Variants in SLC38A10 observed in about 807,000 individuals in gnomAD.
SLC38A10 encodes Sodium-coupled neutral amino acid transporter 10.
In SLC38A10, 53 loss-of-function variants were observed where a neutral mutation model predicts 81.0. The observed-to-expected ratio is 0.65, with a 90% CI of 0.53 to 0.82. The LOEUF (loss-of-function observed/expected upper bound fraction) is 0.82, where lower values mean the gene tolerates loss of function less well. Among genes scored for constraint, SLC38A10 ranks in the 40% least tolerant of loss-of-function variants. The pLI is 0.00. For missense variants in SLC38A10, 1,471 were observed against 1,545.0 expected (o/e 0.95, Z 0.80); for synonymous variants, 665 against 655.3 (o/e 1.01, Z -0.23).
At chr17:81,274,141 G>C (rs1311164103) in intron 8 of SLC38A10, among the ~76,000 whole-genome samples, 1 of 152,270 alleles carries the variant, frequency 6.6e-6, no homozygotes, top group Admixed American at 6.5e-5. Flanking sequence ...GGCCTGGCCA[G>C]ATGCGCGGAG....
intron 10 of SLC38A10, among the ~76,000 whole-genome samples, chr17:81,269,645 A>G (rs976778943): frequency 5.3e-5 from 8 of 152,148 alleles, no homozygotes; most frequent in East Asian, 3.9e-4. Flanking sequence ...GGGATGTCCT[A>G]TGTCTGCTCT....
chr17:81,273,695 G>A (rs143432208), intron 8 of SLC38A10, among the ~76,000 whole-genome samples: 13 of 152,246 alleles, frequency 8.5e-5, no homozygotes, highest in African/African-American at 2.2e-4. Flanking sequence ...CAAGAGTCCC[G>A]GTCCTAGAAC....
At position 81,294,898 on chromosome 17, in the gene SLC38A10, G is replaced by T. The variant is rs1181899616; in HGVS notation, c.24C>A (p.Asn8Lys). The change falls in exon 1 of 16, where the codon AAC becomes AAA. Residue 8 changes from asparagine (N) to lysine (K), a missense_variant. Around this residue, in one of 2 missense-constraint regions of SLC38A10, gnomAD observed 720 missense variants for 827.7 expected, o/e 0.87. Transcript: ENST00000374759. MTAAAAS[N>K]WGLITNIVNS... is the part of the protein sequence containing the mutation. ...TCACGATGTTCGTGATCAGCCCCCA[G>T]TTGGAGGCGGCGGCCGCGGTCATAG... 1.9e-6 allele frequency: 3 copies of T among 1,592,990 alleles called. No homozygotes were observed. Among genetic ancestry groups the T allele is most frequent in the East Asian group, 2.4e-5 (1 of 41,932 alleles).
intron 6 of SLC38A10, chr17:81,280,022 C>T (rs537766026): frequency 1.3e-4 from 49 of 380,512 alleles, no homozygotes; most frequent in Non-Finnish European, 2.3e-4. Flanking sequence ...GGTCTTTTCC[C>T]GTCTGCGCCG....
intron 6 of SLC38A10, among the ~76,000 whole-genome samples, chr17:81,278,148 G>A (rs1306831253): frequency 6.6e-6 from 1 of 151,822 alleles, no homozygotes; most frequent in Non-Finnish European, 1.5e-5. Context: ...GACATCACCA[G>A]CACAGCGGCC....
At chr17:81,268,803 T>C (rs2063091340) in intron 10 of SLC38A10, among the ~76,000 whole-genome samples, 1 of 152,184 alleles carries the variant, frequency 6.6e-6, no homozygotes, top group African/African-American at 2.4e-5. Context: ...AAAAATCAGT[T>C]ATTATATTAA....
rs896770864 is a variant in SLC38A10 at position 81,277,526 on chromosome 17, C to G, written c.627-393G>C. ...AACAAACACACCCTGGCCTGGGCGGCCGGCCCATCTCGGCGCCTCCATCTC... is the reference window on the plus strand; with the variant it reads ...AACAAACACACCCTGGCCTGGGCGGGCGGCCCATCTCGGCGCCTCCATCTC... On this transcript the variant is annotated intron_variant, in intron 6 of 15. Coordinates refer to ENST00000374759, the MANE Select transcript of SLC38A10 (RefSeq NM_001037984.3). This position sits in a 1 kb window ranked among gnomAD's most constrained non-coding sequence, Gnocchi z 4.5. 2.0e-5 allele frequency among the ~76,000 whole-genome samples: 3 copies of G among 152,262 alleles called. No homozygotes were observed. Among genetic ancestry groups the G allele is most frequent in the Non-Finnish European group, 4.4e-5 (3 of 68,050 alleles).
Position 81,251,152 on chromosome 17 carries a change from T to C in SLC38A10, c.2065+341A>G. 2.0e-6 allele frequency: 3 copies of C among 1,521,504 alleles called. No homozygotes were observed. The South Asian group carries it at 4.0e-5, about 20-fold the overall frequency. 94.3% of individuals were successfully genotyped at this position (1,521,504 alleles called of 1,614,324 possible). A position where few individuals can be genotyped will look rare whatever the true frequency, so the allele number is the denominator to read the frequency against. ...TTAAATACTCCGAGTGTTAAAACTG[T>C]TAACAAACCTGCTTTAAAGACGAAA... On this transcript the variant is annotated intron_variant, in intron 14 of 15. Coordinates refer to ENST00000374759, the MANE Select transcript of SLC38A10 (RefSeq NM_001037984.3).
chr17:81,278,642 G>A (rs1208159830), intron 6 of SLC38A10, among the ~76,000 whole-genome samples: 2 of 152,146 alleles, frequency 1.3e-5, no homozygotes, highest in African/African-American at 4.8e-5. Context: ...AGGTCTCCAC[G>A]GCCCTAGACC....
chr17:81,259,272 C>T (rs1425070181), intron 11 of SLC38A10, among the ~76,000 whole-genome samples: 1 of 152,224 alleles, frequency 6.6e-6, no homozygotes, highest in Non-Finnish European at 1.5e-5. Flanking sequence ...CAGCCAGAGC[C>T]GGCACTGCTC....
intron 6 of SLC38A10, 22 bp downstream of exon 6, chr17:81,280,587 C>T: frequency 6.2e-7 from 1 of 1,612,452 alleles, no homozygotes; most frequent in Non-Finnish European, 8.5e-7. Context: ...AACTCCACCA[C>T]AGACCACAGC....
chr17:81,286,990 G>GT lies in SLC38A10; in HGVS notation c.218-2096dup, dbSNP rs965377392. On this transcript the variant is annotated intron_variant, in intron 2 of 15. Transcript: ENST00000374759. The surrounding 1 kb of genome is among the most constrained non-coding windows in gnomAD (Gnocchi z 6.0). ...AGCTGAAGGAGGCTGAATGACTGAT[G>GT]TATCTGTGTGTCTTCTGAAGAGGGG... Among the ~76,000 whole-genome samples, 6 of 152,208 alleles carry GT rather than the reference G, an allele frequency of 3.9e-5. No individual in the cohort carries two copies. Among genetic ancestry groups the GT allele is most frequent in the South Asian group, 2.1e-4 (1 of 4,838 alleles).
In SLC38A10 at chr17:81,279,024, C is replaced by T. The variant is rs137951787; in HGVS notation, c.626+1585G>A. ...CTCCACAGATGGGGGACATGCTGAGCGCTGGCCCATGGCCCCAGACGGAGC... is the reference window on the plus strand; with the variant it reads ...CTCCACAGATGGGGGACATGCTGAGTGCTGGCCCATGGCCCCAGACGGAGC... On this transcript the variant is annotated intron_variant, in intron 6 of 15. Coordinates refer to ENST00000374759, the MANE Select transcript of SLC38A10 (RefSeq NM_001037984.3). 7.5e-4 allele frequency among the ~76,000 whole-genome samples: 115 copies of T among 152,356 alleles called. 1 individual carries two copies. Among genetic ancestry groups the T allele is most frequent in the African/African-American group, 2.4e-3 (101 of 41,590 alleles).
At position 81,245,653 on chromosome 17, in the gene SLC38A10, G is replaced by A. The variant is rs1165836990; in HGVS notation, c.3263C>T (p.Ala1088Val). 2.5e-6 allele frequency: 4 copies of A among 1,612,188 alleles called. No individual in the cohort carries two copies. The highest frequency in any genetic ancestry group is 1.7e-4 in the Middle Eastern group (1 of 6,052). The change falls in exon 16 of 16, where the codon GCC (alanine) becomes GTC (valine). Residue 1088 changes from alanine (A) to valine (V), a missense_variant. Around this residue, in one of 2 missense-constraint regions of SLC38A10, gnomAD observed 751 missense variants for 717.4 expected, o/e 1.05. Transcript: ENST00000374759. ...AGCCTGGCGGAGCTGGGCATCCAGG[G>A]CGCCACGGAGGTCGTTCACCTGGAC... ...PDVQVNDLRG[A>V]LDAQLRQAAG...
At position 81,253,194 on chromosome 17, in the gene SLC38A10, CG is replaced by C; in HGVS notation, c.1334del (p.Pro445ArgfsTer64). ...VAVAEDGREKPKLPKEREELE... is the reference protein window; with the variant it reads ...VAVAEDGREKXKLPKEREELE... ...GCTCCTCTCTCTCCTTCGGCAGCTTCGGCTTCTCCCGGCCATCCTCAGCCAC... is the reference window on the plus strand; with the variant it reads ...GCTCCTCTCTCTCCTTCGGCAGCTTCGCTTCTCCCGGCCATCCTCAGCCAC... On this transcript the variant is annotated frameshift_variant, in exon 12 of 16. Transcript: ENST00000374759. LOFTEE classifies it high-confidence loss of function. This position sits in a 1 kb window ranked among gnomAD's most constrained non-coding sequence, Gnocchi z 4.1. 1 of 1,613,758 alleles carries C rather than the reference CG, an allele frequency of 6.2e-7. No homozygotes were observed. Among genetic ancestry groups the C allele is most frequent in the Non-Finnish European group, 8.5e-7 (1 of 1,180,030 alleles).
In SLC38A10 at chr17:81,270,876, C is replaced by A. The variant is rs1195516641; in HGVS notation, c.1131+42G>T. 6 of 1,567,666 alleles carry A rather than the reference C, an allele frequency of 3.8e-6. No homozygotes were observed. The highest frequency in any genetic ancestry group is 5.3e-6 in the Non-Finnish European group (6 of 1,138,340). ...CGCCTCCACCTCTCCCCAGCCCAGA[C>A]CCATCAGCCCTCGTCCAGGCCACCC... On this transcript the variant is annotated intron_variant, in intron 10 of 15. Transcript: ENST00000374759. The surrounding 1 kb of genome is among the most constrained non-coding windows in gnomAD (Gnocchi z 4.0).
chr17:81,260,736 C>G (rs1422900437), intron 10 of SLC38A10, among the ~76,000 whole-genome samples: 1 of 152,236 alleles, frequency 6.6e-6, no homozygotes, highest in Non-Finnish European at 1.5e-5. Context: ...CCTGTCAGAG[C>G]TATGCCAGCC....
chr17:81,245,691 G>A lies in SLC38A10; in HGVS notation c.3225C>T (p.Asn1075=), dbSNP rs779086195. ...CGTTCACCTGGACATCAGGCAGGGG[G>A]TTAAGGCCAATGATGACCCCATCCC... ...APRDGVIIGL[N]PLPDVQVNDL... is the part of the protein sequence containing the mutation. The change falls in exon 16 of 16, where the codon AAC becomes AAT. Residue 1075 remains asparagine, a synonymous_variant. Coordinates refer to ENST00000374759, the MANE Select transcript of SLC38A10 (RefSeq NM_001037984.3). 9.4e-6 allele frequency: 15 copies of A among 1,588,986 alleles called. No homozygotes were observed. The South Asian group carries it at 1.0e-4, about 11-fold the overall frequency.
At chr17:81,260,882 C>T (rs932114260) in intron 10 of SLC38A10, among the ~76,000 whole-genome samples, 89 of 152,252 alleles carry the variant, frequency 5.8e-4, no homozygotes, top group Non-Finnish European at 8.5e-4. Flanking sequence ...TGAGCGTCCC[C>T]GTCCATGCTG....
Sources: gnomAD v4.1 joint callset for allele counts (sites outside exome capture counted in the v4.1 genomes callset) on GRCh38, gnomAD v4.1.1 for gene constraint, gnomAD v4.1.1 regional missense constraint, Gnocchi (gnomAD v3.1) non-coding constraint, MANE v1.5 for transcripts, NCBI Gene and HGNC (gene_info 2026-07-23, HGNC 2026-07-21) for gene names.